The following PARD3B variants were observed in gnomAD, a reference collection of about 807,000 sequenced individuals.
PARD3B encodes the protein partitioning defective 3 homolog B.
PARD3B carries 103 observed loss-of-function variants against 130.2 expected under a neutral mutation model. That is an observed-to-expected ratio of 0.79 (90% CI 0.67 to 0.93). The LOEUF (loss-of-function observed/expected upper bound fraction) is 0.93, where lower values mean the gene tolerates loss of function less well. Ranked by LOEUF, PARD3B falls within the 40% of genes least tolerant of loss-of-function variation. PARD3B has a pLI of 0.00. For missense variants in PARD3B, 1,609 were observed against 1,499.2 expected (o/e 1.07, Z -1.21); for synonymous variants, 583 against 553.2 (o/e 1.05, Z -0.76).
At chr2:205,441,071 T>TAGGTG (rs2047699117) in intron 20 of PARD3B, among the ~76,000 whole-genome samples, 1 of 152,090 alleles carries the variant, frequency 6.6e-6, no homozygotes, top group Admixed American at 6.6e-5. Flanking sequence ...AGCTTCCAAG[T>TAGGTG]AGGTGTAATT....
intron 3 of PARD3B, among the ~76,000 whole-genome samples, chr2:205,028,430 G>A (rs1332596162): frequency 1.3e-5 from 2 of 152,018 alleles, no homozygotes; most frequent in Non-Finnish European, 2.9e-5. Flanking sequence ...TAACAAATTA[G>A]GTATAGAATG....
intron 2 of PARD3B, among the ~76,000 whole-genome samples, chr2:204,800,224 A>G (rs1317252406): frequency 2.6e-5 from 4 of 152,218 alleles, no homozygotes; most frequent in African/African-American, 9.6e-5. Flanking sequence ...AGAGGTGGAA[A>G]ATGCAGTTGG....
At chr2:205,273,369 T>C (rs1375588592) in intron 16 of PARD3B, among the ~76,000 whole-genome samples, 1 of 152,250 alleles carries the variant, frequency 6.6e-6, no homozygotes, top group African/African-American at 2.4e-5. Context: ...TTATACTTAC[T>C]GTGAATTCCA....
At chr2:204,903,805 A>C (rs1559244251) in intron 2 of PARD3B, among the ~76,000 whole-genome samples, 1 of 152,210 alleles carries the variant, frequency 6.6e-6, no homozygotes. Flanking sequence ...CTAAAGCTTT[A>C]AAATGGCAAA....
rs1553615870 is a variant in PARD3B at position 205,110,649 on chromosome 2, T to TC, written c.594-2842_594-2841insC. On this transcript the variant is annotated intron_variant, in intron 5 of 22. Coordinates refer to ENST00000406610, the MANE Select transcript of PARD3B (RefSeq NM_001302769.2). ...TCTGTTTTTTGTTTTTTGTTTTTTT[T>TC]GTAAGTGGCTGTCAACCGCTTTTTC... Among the ~76,000 whole-genome samples, 421 of 147,796 alleles carry TC rather than the reference T, an allele frequency of 2.8e-3. 1 individual carries two copies. The highest frequency in any genetic ancestry group is 8.3e-3 in the African/African-American group (337 of 40,654).
intron 18 of PARD3B, among the ~76,000 whole-genome samples, chr2:205,316,890 C>G (rs1040542453): frequency 3.3e-5 from 5 of 152,122 alleles, no homozygotes; most frequent in Non-Finnish European, 7.4e-5. Flanking sequence ...AAATATGAAA[C>G]TAATCTTTTA....
chr2:204,801,964 CAT>C (rs750761891), intron 2 of PARD3B, among the ~76,000 whole-genome samples: 3 of 152,122 alleles, frequency 2.0e-5, no homozygotes, highest in Non-Finnish European at 4.4e-5. Context: ...TTGAGATAAT[CAT>C]GTGGTTTTGT....
intron 13 of PARD3B, among the ~76,000 whole-genome samples, chr2:205,179,402 A>T (rs1441669136): frequency 2.0e-5 from 3 of 152,112 alleles, no homozygotes; most frequent in Non-Finnish European, 4.4e-5. Context: ...ACTCATCCTC[A>T]CTCACTGACT....
intron 3 of PARD3B, among the ~76,000 whole-genome samples, chr2:205,044,373 A>T (rs1458556461): frequency 6.7e-6 from 1 of 148,840 alleles, no homozygotes; most frequent in African/African-American, 2.5e-5. Flanking sequence ...TCCCTGAGGA[A>T]TCGCCACACT....
At chr2:204,864,169 A>G (rs2045320832) in intron 2 of PARD3B, among the ~76,000 whole-genome samples, 1 of 152,100 alleles carries the variant, frequency 6.6e-6, no homozygotes, top group South Asian at 2.1e-4. Context: ...GCACGACAGC[A>G]TACTCCTAAG....
Position 205,244,686 on chromosome 2 carries a change from C to CA in PARD3B, c.2141-1086dup, listed in dbSNP as rs1387143071. Among the ~76,000 whole-genome samples the CA allele has an allele frequency of 6.7e-6, 1 of 149,960 alleles. No individual in the cohort carries two copies. The highest frequency in any genetic ancestry group is 1.9e-4 in the East Asian group (1 of 5,132). ...TTACTTATAAACACATTTTTTTTTTCAAAAAACTACTATAGGGCGACCCAT... is the reference window on the plus strand; with the variant it reads ...TTACTTATAAACACATTTTTTTTTTCAAAAAAACTACTATAGGGCGACCCAT... On this transcript the variant is annotated intron_variant, in intron 15 of 22. Coordinates refer to ENST00000406610, the MANE Select transcript of PARD3B (RefSeq NM_001302769.2). The surrounding 1 kb of genome is among the most constrained non-coding windows in gnomAD (Gnocchi z 4.7).
chr2:205,388,016 A>G (rs1374018079), intron 18 of PARD3B, among the ~76,000 whole-genome samples: 1 of 152,188 alleles, frequency 6.6e-6, no homozygotes, highest in Non-Finnish European at 1.5e-5. Context: ...TCTCATTTTT[A>G]AAAAGAGCCC....
At chr2:204,585,778 T>C (rs1404204654) in intron 1 of PARD3B, among the ~76,000 whole-genome samples, 1 of 152,192 alleles carries the variant, frequency 6.6e-6, no homozygotes, top group Non-Finnish European at 1.5e-5. Context: ...CCATTCAACA[T>C]GTTTACATTT....
intron 18 of PARD3B, among the ~76,000 whole-genome samples, chr2:205,319,571 T>TA (rs1559656679): frequency 6.6e-6 from 1 of 152,236 alleles, no homozygotes; most frequent in Non-Finnish European, 1.5e-5. Flanking sequence ...CTGACCTCTC[T>TA]AAGTCAGCCT....
At chr2:204,922,187 G>A (rs2047706578) in intron 2 of PARD3B, among the ~76,000 whole-genome samples, 1 of 152,066 alleles carries the variant, frequency 6.6e-6, no homozygotes, top group Non-Finnish European at 1.5e-5. Context: ...TTTCGTTTAT[G>A]CAATAAATAA....
At position 205,300,559 on chromosome 2, in the gene PARD3B, C is replaced by A; in HGVS notation, c.2215C>A (p.Leu739Met). 6.2e-7 allele frequency: 1 copy of A among 1,613,814 alleles called. No individual in the cohort carries two copies. The highest frequency in any genetic ancestry group is 8.5e-7 in the Non-Finnish European group (1 of 1,179,970). The change falls in exon 17 of 23, where the codon CTG (leucine) becomes ATG (methionine). Residue 739 changes from leucine to methionine, a missense_variant. Physicochemically the swap from Leu to Met is conservative, Grantham distance 15. Coordinates refer to ENST00000406610, the MANE Select transcript of PARD3B (RefSeq NM_001302769.2). This position sits in a 1 kb window ranked among gnomAD's most constrained non-coding sequence, Gnocchi z 4.1. ...TCCAAGCAAAGATTTTGGTCCAACT[C>A]TGGGTTTGAAAAAGTCCAGCTCCTT... The part of the protein sequence containing the change: ...ESPSKDFGPT[L>M]GLKKSSSLES...
At chr2:204,940,691 G>A (rs572064781) in intron 2 of PARD3B, among the ~76,000 whole-genome samples, 7 of 152,296 alleles carry the variant, frequency 4.6e-5, no homozygotes, top group African/African-American at 1.7e-4. Context: ...TTGAAGGCTA[G>A]CTCTGTTGTC....
chr2:205,242,313 T>A (rs1192903936), intron 15 of PARD3B, among the ~76,000 whole-genome samples: 3 of 152,186 alleles, frequency 2.0e-5, no homozygotes, highest in African/African-American at 7.2e-5. Flanking sequence ...ATAATAAATA[T>A]TATTCAGCCA....
intron 2 of PARD3B, among the ~76,000 whole-genome samples, chr2:204,811,790 C>T (rs916141840): frequency 2.0e-5 from 3 of 151,984 alleles, no homozygotes; most frequent in Non-Finnish European, 4.4e-5. Flanking sequence ...TTTCTCCGGC[C>T]TCAGTCTGCT....
Sources: allele counts gnomAD v4.1 joint callset (sites outside exome capture counted in the v4.1 genomes callset), GRCh38; gene constraint gnomAD v4.1.1; non-coding constraint Gnocchi (gnomAD v3.1); transcripts MANE v1.5; gene names NCBI Gene and HGNC (gene_info 2026-07-23, HGNC 2026-07-21).